VWA3B: variants seen among roughly 807,000 people sequenced by gnomAD.
VWA3B encodes the protein von Willebrand factor A domain-containing protein 3B.
A neutral mutation model predicts 158.3 loss-of-function variants in VWA3B; 138 were observed. That is an observed-to-expected ratio of 0.87 (90% CI 0.76 to 1.00). VWA3B has a LOEUF of 1.00. Among genes scored for constraint, VWA3B ranks in the 50% least tolerant of loss-of-function variants. VWA3B has a pLI of 0.00. For missense variants in VWA3B, 1,555 were observed against 1,565.1 expected (o/e 0.99, Z 0.11); for synonymous variants, 596 against 587.3 (o/e 1.01, Z -0.21).
chr2:98,237,828 G>A (rs1317500506), intron 19 of VWA3B, among the ~76,000 whole-genome samples: 4 of 152,200 alleles, frequency 2.6e-5, no homozygotes, highest in Non-Finnish European at 5.9e-5. Context: ...ATGATACAAT[G>A]CTTGGGGATG....
intron 8 of VWA3B, chr2:98,179,260 C>G: frequency 2.1e-6 from 1 of 471,166 alleles, no homozygotes. Context: ...TTCCAAGTTT[C>G]GAGTCATCTG....
rs1688552954 is a variant in VWA3B at position 98,276,798 on chromosome 2, T to C, written c.3045+5915T>C. 2.6e-5 allele frequency among the ~76,000 whole-genome samples: 4 copies of C among 152,228 alleles called. No homozygotes were observed. The South Asian group carries it at 8.3e-4, about 32-fold the overall frequency. The stretch of plus-strand genomic sequence containing the variant: ...TGTCCAGAGGGCTGTGGCCACTGCA[T>C]CTGGCCTGCTCCAGGGTGCGTTATG... On this transcript the variant is annotated intron_variant, in intron 22 of 27. Transcript: ENST00000477737.
At chr2:98,281,337 A>G (rs185366176) in intron 22 of VWA3B, among the ~76,000 whole-genome samples, 4 of 152,298 alleles carry the variant, frequency 2.6e-5, no homozygotes, top group African/African-American at 9.6e-5. Context: ...GAAAGGGGAA[A>G]GGTCAGCACC....
At chr2:98,281,142 A>G (rs1688854699) in intron 22 of VWA3B, among the ~76,000 whole-genome samples, 1 of 151,996 alleles carries the variant, frequency 6.6e-6, no homozygotes, top group Non-Finnish European at 1.5e-5. Flanking sequence ...TCCATTTTTC[A>G]AAGGGATGCA....
chr2:98,101,063 C>A (rs1683043631), intron 2 of VWA3B, among the ~76,000 whole-genome samples: 1 of 152,048 alleles, frequency 6.6e-6, no homozygotes. Flanking sequence ...ACTGATAGCC[C>A]AGCCAATGTC....
At chr2:98,135,849 G>A (rs951774476) in intron 7 of VWA3B, among the ~76,000 whole-genome samples, 1 of 152,122 alleles carries the variant, frequency 6.6e-6, no homozygotes, top group African/African-American at 2.4e-5. Context: ...TTTGGAAAAT[G>A]TGTGATTTCC....
intron 8 of VWA3B, among the ~76,000 whole-genome samples, chr2:98,163,718 T>C (rs368129437): frequency 6.6e-6 from 1 of 151,958 alleles, no homozygotes; most frequent in East Asian, 1.9e-4. Context: ...TAAGAGGAGA[T>C]GTTAAGGGCA....
intron 20 of VWA3B, among the ~76,000 whole-genome samples, chr2:98,252,534 A>C (rs2105808910): frequency 6.6e-6 from 1 of 152,160 alleles, no homozygotes; most frequent in South Asian, 2.1e-4. Context: ...GCTCTGTTCC[A>C]GTGTGTGACA....
At chr2:98,185,914 C>T (rs1054752251) in intron 9 of VWA3B, among the ~76,000 whole-genome samples, 9 of 152,192 alleles carry the variant, frequency 5.9e-5, no homozygotes, top group South Asian at 2.1e-4. Flanking sequence ...TGTGCCCCCA[C>T]GCCTCTGCTC....
At chr2:98,210,041 C>T (rs1450601520) in intron 12 of VWA3B, among the ~76,000 whole-genome samples, 1 of 152,140 alleles carries the variant, frequency 6.6e-6, no homozygotes, top group Admixed American at 6.5e-5. Context: ...GCTGGGTGAC[C>T]TTCTGGGATG....
chr2:98,121,107 G>A (rs1674923752), intron 4 of VWA3B, among the ~76,000 whole-genome samples, 192 bp from the exon 5 acceptor site: 1 of 152,220 alleles, frequency 6.6e-6, no homozygotes, highest in Non-Finnish European at 1.5e-5. Flanking sequence ...AGGTAGTGGT[G>A]CTTTGGGAAC....
chr2:98,182,930 A>G (rs1680716265), intron 9 of VWA3B, among the ~76,000 whole-genome samples: 2 of 152,316 alleles, frequency 1.3e-5, no homozygotes, highest in South Asian at 4.1e-4. Flanking sequence ...AATAAAAAAT[A>G]CATTAGATTC....
chr2:98,300,126 C>A lies in VWA3B; in HGVS notation c.3330C>A (p.Asp1110Glu). 4 of 1,614,238 alleles carry A rather than the reference C, an allele frequency of 2.5e-6. No homozygotes were observed. The highest frequency in any genetic ancestry group is 3.4e-6 in the Non-Finnish European group (4 of 1,180,040). ...AAATTGTGATACCCAAAGGATTTGA[C>A]TTCTATGTCCCTGCCATTGTCATAG... is the stretch of plus-strand genomic sequence containing the variant. ...FAKIVIPKGFDFYVPAIVIAL... is the reference protein window; with the variant it reads ...FAKIVIPKGFEFYVPAIVIAL... The change falls in exon 25 of 28, where the codon GAC becomes GAA. Residue 1110 changes from aspartate to glutamate, a missense_variant. Transcript: ENST00000477737.
At chr2:98,129,811 TACA>T (rs886540751) in intron 6 of VWA3B, among the ~76,000 whole-genome samples, 1 of 152,144 alleles carries the variant, frequency 6.6e-6, no homozygotes, top group African/African-American at 2.4e-5. Context: ...TTGAAATGGG[TACA>T]ACGTCTTCCC....
intron 22 of VWA3B, 81 bp downstream of exon 22, chr2:98,270,964 C>G: frequency 1.5e-6 from 2 of 1,346,058 alleles, no homozygotes; most frequent in Non-Finnish European, 2.1e-6. Context: ...GCTTCCTTCT[C>G]TGTCTCCCAC....
chr2:98,221,510 C>G (rs1684509406), intron 14 of VWA3B, among the ~76,000 whole-genome samples: 1 of 152,140 alleles, frequency 6.6e-6, no homozygotes, highest in African/African-American at 2.4e-5. Flanking sequence ...TGCTCTGATC[C>G]CCCTGCCGAG....
chr2:98,255,008 T>A (rs1444123421), intron 20 of VWA3B, among the ~76,000 whole-genome samples: 3 of 151,506 alleles, frequency 2.0e-5, no homozygotes, highest in Non-Finnish European at 4.4e-5. Context: ...CAGTGTTTTT[T>A]GTTTTTGTTT....
chr2:98,162,278 G>C (rs555836146), intron 7 of VWA3B, among the ~76,000 whole-genome samples: 89 of 151,042 alleles, frequency 5.9e-4, no homozygotes, highest in African/African-American at 2.2e-3. Context: ...TCGATTGATT[G>C]AAAGACATAA....
rs754403033 is a variant in VWA3B, at chr2:98,119,668, C to T, written c.447C>T (p.Gly149=). ...GCGTCACCATAGTGCTGGATTTTGGCGGCATTCTGGAGGGGGAGCTTGATC... is the reference window on the plus strand; with the variant it reads ...GCGTCACCATAGTGCTGGATTTTGGTGGCATTCTGGAGGGGGAGCTTGATC... ...EQCVTIVLDF[G]GILEGELDLC... Residue 149 remains glycine, a synonymous_variant, in exon 4 of 28, where the codon GGC becomes GGT. Coordinates refer to ENST00000477737, the MANE Select transcript of VWA3B (RefSeq NM_144992.5). 6.1e-5 allele frequency: 98 copies of T among 1,613,764 alleles called. No individual in the cohort carries two copies. The highest frequency in any genetic ancestry group is 9.4e-5 in the African/African-American group (7 of 74,794).
Sources: allele counts gnomAD v4.1 joint callset (sites outside exome capture counted in the v4.1 genomes callset), GRCh38; gene constraint gnomAD v4.1.1; transcripts MANE v1.5; gene names NCBI Gene and HGNC (gene_info 2026-07-23, HGNC 2026-07-21).